Variants in ANKRD45 observed in about 807,000 individuals in gnomAD.
ANKRD45 encodes the protein ankyrin repeat domain 45.
ANKRD45 carries 21 observed loss-of-function variants against 28.1 expected under a neutral mutation model. That is an observed-to-expected ratio of 0.75 (90% CI 0.53 to 1.08). The LOEUF (loss-of-function observed/expected upper bound fraction) is 1.08. ANKRD45 is among the 50% of genes least tolerant of loss of function. The pLI is 0.00. For missense variants in ANKRD45, 261 were observed against 308.7 expected, an observed-to-expected ratio of 0.85 and a Z score of 1.16; for synonymous variants, 86 against 103.9, an observed-to-expected ratio of 0.83 and a Z score of 1.05.
intron 2 of ANKRD45, among the ~76,000 whole-genome samples, chr1:173,652,409 G>A (rs1669274547): frequency 6.6e-6 from 1 of 152,126 alleles, no homozygotes; most frequent in Non-Finnish European, 1.5e-5. Flanking sequence ...TTATTGATTT[G>A]TGTATGTTGA....
intron 3 of ANKRD45, among the ~76,000 whole-genome samples, chr1:173,641,184 A>G (rs897271404): frequency 5.3e-5 from 8 of 152,258 alleles, no homozygotes; most frequent in African/African-American, 1.9e-4. Context: ...ATAGGATATC[A>G]AGATGCAAAT....
At chr1:173,687,581 T>G in the ANKRD45 span, among the ~76,000 whole-genome samples, 1 of 151,898 alleles carries the variant, frequency 6.6e-6, no homozygotes, top group Non-Finnish European at 1.5e-5. Context: ...CATGTTAACT[T>G]TTAGCAAACT....
rs57884253 is a variant in ANKRD45, at chr1:173,611,576, TACACACACACACAC to T, written c.731-1375_731-1362del. Reference sequence around the variant, plus strand: ...GGACCCCTATGGCCTAATACATACATACACACACACACACACACACACACACACACACACACACA... The same window carrying T: ...GGACCCCTATGGCCTAATACATACATACACACACACACACACACACACACA... On this transcript the variant is annotated intron_variant, in intron 5 of 5. Transcript: ENST00000333279. 1.9e-3 allele frequency among the ~76,000 whole-genome samples: 249 copies of T among 133,998 alleles called. 2 individuals carry two copies. Among genetic ancestry groups the T allele is most frequent in the African/African-American group, 4.9e-3 (186 of 38,292 alleles). 87.9% of individuals were successfully genotyped at this position (133,998 alleles called of 152,430 possible).
At chr1:173,668,456 G>T (rs767948413) in intron 1 of ANKRD45, among the ~76,000 whole-genome samples, 1 of 152,078 alleles carries the variant, frequency 6.6e-6, no homozygotes, top group Non-Finnish European at 1.5e-5. Context: ...AAAGCCATAG[G>T]GCAGGGAGCA....
At chr1:173,644,554 T>TA (rs1419034565) in intron 3 of ANKRD45, among the ~76,000 whole-genome samples, 1 of 152,134 alleles carries the variant, frequency 6.6e-6, no homozygotes, top group Non-Finnish European at 1.5e-5. Flanking sequence ...GGACTCAAAT[T>TA]AAACAGATGG....
At chr1:173,694,172 T>C in the ANKRD45 span, among the ~76,000 whole-genome samples, 1 of 152,078 alleles carries the variant, frequency 6.6e-6, no homozygotes, top group African/African-American at 2.4e-5. Context: ...TCAATTTTTT[T>C]TTTCTTTTTG....
At chr1:173,684,698 G>A in the ANKRD45 span, among the ~76,000 whole-genome samples, 1 of 152,258 alleles carries the variant, frequency 6.6e-6, no homozygotes, top group South Asian at 2.1e-4. Context: ...GATGTTGTTT[G>A]GGATGAAGGT....
chr1:173,677,763 T>A, the ANKRD45 span, among the ~76,000 whole-genome samples: 1 of 152,136 alleles, frequency 6.6e-6, no homozygotes, highest in Non-Finnish European at 1.5e-5. Context: ...ACGGATGTAA[T>A]AACCTTAATT....
intron 4 of ANKRD45, among the ~76,000 whole-genome samples, chr1:173,625,842 T>C (rs577118729): frequency 1.3e-5 from 2 of 152,208 alleles, no homozygotes; most frequent in East Asian, 3.9e-4. Context: ...TGAAACCACA[T>C]AGTAGGTATT....
intron 1 of ANKRD45, among the ~76,000 whole-genome samples, chr1:173,666,049 C>T (rs765554635): frequency 8.5e-5 from 13 of 152,130 alleles, no homozygotes; most frequent in African/African-American, 2.9e-4. Context: ...AAATAAAGTA[C>T]GTATTAATTC....
intron 3 of ANKRD45, chr1:173,637,065 C>A: frequency 1.5e-6 from 2 of 1,347,288 alleles, no homozygotes; most frequent in South Asian, 1.3e-5. Flanking sequence ...GTAGCTTAGT[C>A]AATTATAGAT....
chr1:173,615,817 A>G (rs1667438258), intron 5 of ANKRD45, among the ~76,000 whole-genome samples: 3 of 152,122 alleles, frequency 2.0e-5, no homozygotes. Context: ...AATAGATTAA[A>G]TTTGGGCCGG....
chr1:173,630,020 G>A (rs1373579114), intron 3 of ANKRD45, among the ~76,000 whole-genome samples: 2 of 152,158 alleles, frequency 1.3e-5, no homozygotes, highest in African/African-American at 2.4e-5. Context: ...CATATTTAAA[G>A]TGCTAAAGGA....
At chr1:173,710,243 C>T in the ANKRD45 span, among the ~76,000 whole-genome samples, 34,760 of 152,060 alleles carry the variant, frequency 0.23, 4,439 homozygotes, top group Middle Eastern at 0.39. Flanking sequence ...AGGTTGTTAC[C>T]GGTGGTGAAT....
At chr1:173,691,416 T>G in the ANKRD45 span, among the ~76,000 whole-genome samples, 1 of 152,218 alleles carries the variant, frequency 6.6e-6, no homozygotes, top group Non-Finnish European at 1.5e-5. Context: ...AATTGTTACA[T>G]ATAAAGTTTC....
Position 173,610,196 on chromosome 1 carries a change from T to C in ANKRD45, c.750A>G (p.Lys250=), listed in dbSNP as rs774264574. 1.2e-6 allele frequency: 2 copies of C among 1,614,152 alleles called. No individual in the cohort carries two copies. The highest frequency in any genetic ancestry group is 2.2e-5 in the South Asian group (2 of 91,082). The change falls in exon 6 of 6, where the codon AAA becomes AAG. Residue 250 remains lysine (K), a synonymous_variant. Transcript: ENST00000333279. ...TCTTCTGGTCATGGCTTGTTACAGA[T>C]TTGGCACTTTTCACTTGACCTGAAA... ...MTTPCQVKSA[K]SVTSHDQKRS...
At chr1:173,641,779 G>A (rs1668713019) in intron 3 of ANKRD45, among the ~76,000 whole-genome samples, 1 of 152,172 alleles carries the variant, frequency 6.6e-6, no homozygotes, top group Non-Finnish European at 1.5e-5. Flanking sequence ...GGTCCCATGA[G>A]GAGTGCCAGA....
rs1205856525 is a variant in ANKRD45, at chr1:173,613,488, C to A, written c.731-3273G>T. 4.6e-5 allele frequency among the ~76,000 whole-genome samples: 7 copies of A among 150,642 alleles called. No homozygotes were observed. In the East Asian group the frequency reaches 1.4e-3, roughly 30 times the overall value. On this transcript the variant is annotated intron_variant, in intron 5 of 5. Transcript: ENST00000333279. ...GGGCAGCCCCCGCCCGGCCAGCCGC[C>A]CCGTCCGGGAGGGAGGTGGGGGCTC...
intron 1 of ANKRD45, chr1:173,669,513 G>C: frequency 2.2e-6 from 1 of 455,912 alleles, no homozygotes; most frequent in Non-Finnish European, 4.4e-6. Flanking sequence ...ACAGGATACA[G>C]AAAGTGGCAG....
Sources: gnomAD v4.1 joint callset for allele counts (sites outside exome capture counted in the v4.1 genomes callset) on GRCh38, gnomAD v4.1.1 for gene constraint, MANE v1.5 for transcripts, NCBI Gene and HGNC (gene_info 2026-07-23, HGNC 2026-07-21) for gene names.